NNMT: variants seen among roughly 807,000 people sequenced by gnomAD.
NNMT encodes the protein nicotinamide N-methyltransferase.
In NNMT, 10 loss-of-function variants were observed where a neutral mutation model predicts 11.7. The observed-to-expected ratio is 0.85, with a 90% CI of 0.53 to 1.45. NNMT has a LOEUF of 1.45. NNMT is among the 40% of genes most tolerant of loss of function. The pLI, the probability that NNMT is intolerant of heterozygous loss-of-function variation, is 0.00. For synonymous variants in NNMT, 143 were observed against 133.8 expected (o/e 1.07, Z -0.48); for missense variants, 381 against 319.4 (o/e 1.19, Z -1.47).
chr11:114,271,676 T>C (rs866879945), intron 2 of NNMT, among the ~76,000 whole-genome samples: 1 of 152,306 alleles, frequency 6.6e-6, no homozygotes, highest in Middle Eastern at 3.4e-3. Flanking sequence ...CTGTGTTCCC[T>C]ACTTTATGAA....
chr11:114,305,002 A>G (rs1207497935), intron 2 of NNMT, among the ~76,000 whole-genome samples: 1 of 152,160 alleles, frequency 6.6e-6, no homozygotes, highest in African/African-American at 2.4e-5. Context: ...TACTTAACCT[A>G]TGGTTCCTGG....
At chr11:114,278,612 ATG>A (rs3057704) in intron 2 of NNMT, among the ~76,000 whole-genome samples, 6,259 of 146,754 alleles carry the variant, frequency 0.043, 150 homozygotes, top group African/African-American at 0.071. Context: ...CCTAATACTC[ATG>A]TGTGTGTGTG....
intron 2 of NNMT, among the ~76,000 whole-genome samples, chr11:114,290,988 G>A (rs987274866): frequency 6.6e-6 from 1 of 152,156 alleles, no homozygotes; most frequent in Non-Finnish European, 1.5e-5. Context: ...AGTCTTTGGT[G>A]TTGCAGTTTT....
chr11:114,279,906 T>G (rs533819105), intron 2 of NNMT, among the ~76,000 whole-genome samples: 3 of 152,260 alleles, frequency 2.0e-5, no homozygotes, highest in Admixed American at 1.3e-4. Context: ...ACACTGACTT[T>G]GAACTAACAG....
intron 2 of NNMT, among the ~76,000 whole-genome samples, chr11:114,284,208 A>G (rs1945280584): frequency 6.6e-6 from 1 of 152,234 alleles, no homozygotes; most frequent in Non-Finnish European, 1.5e-5. Flanking sequence ...TCTCTGTGCC[A>G]GGCAGATGTG....
chr11:114,284,228 C>A (rs1306165465), intron 2 of NNMT, among the ~76,000 whole-genome samples: 2 of 152,184 alleles, frequency 1.3e-5, no homozygotes, highest in African/African-American at 4.8e-5. Context: ...GGATCTCCAG[C>A]AAGCTGGCCA....
At chr11:114,288,955 G>T (rs935029933) in intron 2 of NNMT, among the ~76,000 whole-genome samples, 1 of 152,006 alleles carries the variant, frequency 6.6e-6, no homozygotes, top group African/African-American at 2.4e-5. Context: ...TAGTTGAGGG[G>T]TATTTTCTCT....
chr11:114,310,034 G>T (rs544551864), intron 2 of NNMT, among the ~76,000 whole-genome samples: 1 of 152,018 alleles, frequency 6.6e-6, no homozygotes, highest in African/African-American at 2.4e-5. Flanking sequence ...AGAAGTTGAC[G>T]GTTGCATTGT....
At chr11:114,298,464 A>T in intron 2 of NNMT, 1 of 339,394 alleles carries the variant, frequency 2.9e-6, no homozygotes. Flanking sequence ...TGTGCAGTCA[A>T]GTACCTTGGG....
At chr11:114,290,054 G>A (rs577687738) in intron 2 of NNMT, among the ~76,000 whole-genome samples, 143 of 152,242 alleles carry the variant, frequency 9.4e-4, no homozygotes, top group Middle Eastern at 3.4e-3. Context: ...CATTCATGAG[G>A]CCTCTACCTT....
At chr11:114,260,436 A>T (rs1434654789) in intron 1 of NNMT, among the ~76,000 whole-genome samples, 1 of 152,222 alleles carries the variant, frequency 6.6e-6, no homozygotes, top group Non-Finnish European at 1.5e-5. Context: ...CTTTGGGAAT[A>T]CAGCCTTTCC....
intron 2 of NNMT, among the ~76,000 whole-genome samples, chr11:114,286,700 T>A (rs1945303034): frequency 1.3e-5 from 2 of 152,192 alleles, no homozygotes; most frequent in African/African-American, 4.8e-5. Context: ...GTTGGACTTT[T>A]AGGTTGTTTC....
At chr11:114,259,782 G>C (rs1945061933) in intron 1 of NNMT, among the ~76,000 whole-genome samples, 1 of 152,192 alleles carries the variant, frequency 6.6e-6, no homozygotes. Flanking sequence ...ACTGATTGCT[G>C]TACACTAAGC....
rs369541817 is a variant in NNMT at position 114,312,294 on chromosome 11, C to T, written c.612C>T (p.Tyr204=). The T allele has an allele frequency of 1.2e-6, 2 of 1,614,242 alleles. No homozygotes were observed. The highest frequency in any genetic ancestry group is 1.7e-6 in the Non-Finnish European group (2 of 1,180,042). Residue 204 remains tyrosine (Y), a synonymous_variant, in exon 3 of 3, where the codon TAC becomes TAT. Transcript: ENST00000299964. ...TGGATGCGCTCAAGAGCAGCTACTA[C>T]ATGATTGGTGAGCAGAAGTTCTCCA... ...VIMDALKSSY[Y]MIGEQKFSSL...
At chr11:114,311,885 C>T (rs3741303) in intron 2 of NNMT, among the ~76,000 whole-genome samples, 160 bp from the exon 3 acceptor site, 9,328 of 152,178 alleles carry the variant, frequency 0.061, 576 homozygotes, top group African/African-American at 0.15. Context: ...CATTCAAATG[C>T]CAAAATGACC....
At position 114,312,453 on chromosome 11, in the gene NNMT, G is replaced by A. The variant is rs148913818; in HGVS notation, c.771G>A (p.Ala257=). 2.8e-4 allele frequency: 444 copies of A among 1,613,788 alleles called. No homozygotes were observed. Among genetic ancestry groups the A allele is most frequent in the Non-Finnish European group, 3.6e-4 (420 of 1,179,906 alleles). ...ANNEGLFSLV[A]RKLSRPL is the part of the protein sequence containing the mutation. The stretch of plus-strand genomic sequence containing the variant: ...ACGAAGGACTTTTCTCCCTGGTGGC[G>A]AGGAAGCTGAGCAGACCCCTGTGAT... The change falls in exon 3 of 3, where the codon GCG becomes GCA. Residue 257 remains alanine (A), a synonymous_variant. Coordinates refer to ENST00000299964, the MANE Select transcript of NNMT (RefSeq NM_006169.3).
At chr11:114,310,510 C>T (rs144982824) in intron 2 of NNMT, among the ~76,000 whole-genome samples, 326 of 152,338 alleles carry the variant, frequency 2.1e-3, no homozygotes, top group African/African-American at 7.1e-3. Flanking sequence ...TCCACTCTCT[C>T]GAATCAAGTT....
chr11:114,296,213 C>G (rs761291593), upstream of NNMT: 8 of 191,788 alleles, frequency 4.2e-5, no homozygotes, highest in Admixed American at 2.8e-4. Flanking sequence ...ATTTTCCTGA[C>G]GAGCTCAAGT....
intron 2 of NNMT, among the ~76,000 whole-genome samples, chr11:114,285,133 C>T (rs753689011): frequency 6.6e-6 from 1 of 152,138 alleles, no homozygotes; most frequent in Non-Finnish European, 1.5e-5. Flanking sequence ...CTTCCTCTCC[C>T]TCCCTCCTTG....
Sources: allele counts gnomAD v4.1 joint callset (sites outside exome capture counted in the v4.1 genomes callset), GRCh38; gene constraint gnomAD v4.1.1; transcripts MANE v1.5; gene names NCBI Gene and HGNC (gene_info 2026-07-23, HGNC 2026-07-21).